Variants in NR4A3 observed in about 807,000 individuals in gnomAD.
NR4A3 encodes chondrosarcoma, extraskeletal myxoid, fused to EWS.
Under a neutral mutation model 55.6 loss-of-function variants are expected in NR4A3, and 13 were observed. The ratio of observed to expected loss-of-function variants is 0.23; its 90% CI spans 0.15 to 0.37. NR4A3 has a LOEUF of 0.37. Ranked by LOEUF, NR4A3 falls within the 10% of genes least tolerant of loss-of-function variation. The probability of loss-of-function intolerance (pLI) is 1.00; values close to 1 mark genes in which losing one functional copy is unlikely to be tolerated. For synonymous variants in NR4A3, 342 were observed against 357.9 expected (o/e 0.96, Z 0.50); for missense variants, 646 against 822.8 (o/e 0.79, Z 2.63).
chr9:99,856,565 T>G (rs1479964035), intron 7 of NR4A3, among the ~76,000 whole-genome samples: 3 of 152,180 alleles, frequency 2.0e-5, no homozygotes, highest in African/African-American at 7.2e-5. Context: ...TAGCTCAATG[T>G]AAGAAAAACT....
intron 6 of NR4A3, 126 bp from the exon 7 acceptor site, chr9:99,847,311 T>C (rs1827771435): frequency 2.4e-6 from 2 of 816,986 alleles, no homozygotes; most frequent in Non-Finnish European, 4.1e-6. Flanking sequence ...TCTGGCATGC[T>C]TCATAGCACC....
chr9:99,849,163 G>GATATCTCCT (rs1827806015), intron 7 of NR4A3, among the ~76,000 whole-genome samples: 1 of 152,218 alleles, frequency 6.6e-6, no homozygotes, highest in South Asian at 2.1e-4. Context: ...CATTTCTTGG[G>GATATCTCCT]ATATCTCCTA....
chr9:99,829,760 G>A (rs1237631241), intron 3 of NR4A3, among the ~76,000 whole-genome samples: 1 of 152,172 alleles, frequency 6.6e-6, no homozygotes, highest in African/African-American at 2.4e-5. Context: ...ATCACATGCG[G>A]TGCCAGGTGT....
chr9:99,866,481 A>G lies in NR4A3; in HGVS notation c.*2614A>G, dbSNP rs1828099818. The G allele has an allele frequency of 2.2e-5, 5 of 227,856 alleles. No individual in the cohort carries two copies. 14.1% of individuals were successfully genotyped at this position (227,856 alleles called of 1,614,324 possible). On this transcript the variant is annotated 3_prime_UTR_variant, in exon 8 of 8. Transcript: ENST00000395097. Reference sequence around the variant, plus strand: ...GTCCAGATATGAGTGCTAAAAATAAAGATGATAGCATGTTCTTCTGTCTTC... The same window carrying G: ...GTCCAGATATGAGTGCTAAAAATAAGGATGATAGCATGTTCTTCTGTCTTC...
chr9:99,834,670 T>C, intron 5 of NR4A3: 1 of 375,202 alleles, frequency 2.7e-6, no homozygotes, highest in African/African-American at 2.2e-5. Context: ...TGTGAGTGTG[T>C]CCCTGCTATG....
At chr9:99,844,900 CCTT>C (rs760627674) in intron 6 of NR4A3, 52 bp downstream of exon 6, 1 of 1,375,900 alleles carries the variant, frequency 7.3e-7, no homozygotes, top group South Asian at 1.2e-5. Flanking sequence ...AAGCCTGAAA[CCTT>C]CTGTGTTTGT....
chr9:99,855,161 GA>G (rs1451980285), intron 7 of NR4A3, among the ~76,000 whole-genome samples: 1 of 151,900 alleles, frequency 6.6e-6, no homozygotes. Context: ...GAATGCTTGT[GA>G]TTTTTGTACA....
rs568957196 is a variant in NR4A3 at position 99,864,518 on chromosome 9, C to T, written c.*651C>T. 8.8e-6 allele frequency: 2 copies of T among 227,116 alleles called. No individual in the cohort carries two copies. The highest frequency in any genetic ancestry group is 1.8e-4 in the South Asian group (1 of 5,456). The allele number at this position is 227,116 out of a possible 1,614,324, so 14.1% of individuals were successfully genotyped here. A position where few individuals can be genotyped will look rare whatever the true frequency, so the allele number is the denominator to read the frequency against. On this transcript the variant is annotated 3_prime_UTR_variant, in exon 8 of 8. Coordinates refer to ENST00000395097, the MANE Select transcript of NR4A3 (RefSeq NM_006981.4). The stretch of plus-strand genomic sequence containing the variant: ...TCTTACTAAGTCTTGTTTATTAACT[C>T]TCCTTTATTCTATATGGAAATAAAA...
chr9:99,838,135 G>A (rs1380490406), intron 5 of NR4A3, among the ~76,000 whole-genome samples: 1 of 152,158 alleles, frequency 6.6e-6, no homozygotes, highest in Admixed American at 6.5e-5. Context: ...CACCACAGTT[G>A]CTTTTAATTT....
At chr9:99,855,636 C>T (rs7032280) in intron 7 of NR4A3, among the ~76,000 whole-genome samples, 15 of 152,108 alleles carry the variant, frequency 9.9e-5, no homozygotes, top group Non-Finnish European at 1.6e-4. Flanking sequence ...CTTGACTTGT[C>T]GCTTCCTGAC....
rs1827271904 is a variant in NR4A3 at position 99,825,205 on chromosome 9, G to C, written c.-176-454G>C. Among the ~76,000 whole-genome samples the C allele has an allele frequency of 6.6e-6, 1 of 152,060 alleles. No homozygotes were observed. The highest frequency in any genetic ancestry group is 2.4e-5 in the African/African-American group (1 of 41,378). On this transcript the variant is annotated intron_variant, in intron 1 of 7. Coordinates refer to ENST00000395097, the MANE Select transcript of NR4A3 (RefSeq NM_006981.4). This position sits in a 1 kb window ranked among gnomAD's most constrained non-coding sequence, Gnocchi z 5.0. ...TGTAAAATTTGTATTTGAGGGGTGG[G>C]GGCGGGCGGAGCTGGAAAATGGCTT... is the stretch of plus-strand genomic sequence containing the variant.
intron 3 of NR4A3, among the ~76,000 whole-genome samples, chr9:99,830,969 G>A (rs1827428195): frequency 1.3e-5 from 2 of 152,262 alleles, no homozygotes; most frequent in East Asian, 1.9e-4. Flanking sequence ...ACTTGAAAGG[G>A]TGGGGGCAAG....
intron 5 of NR4A3, among the ~76,000 whole-genome samples, chr9:99,837,269 C>T (rs1308891463): frequency 6.6e-6 from 1 of 152,156 alleles, no homozygotes; most frequent in African/African-American, 2.4e-5. Flanking sequence ...TAATGTCATT[C>T]ACTGAAATTC....
At chr9:99,826,755 A>G (rs751834365) in intron 2 of NR4A3, 2 of 1,613,796 alleles carry the variant, frequency 1.2e-6, no homozygotes, top group African/African-American at 1.3e-5. Flanking sequence ...TTTCAAGTCA[A>G]GATTTCATCC....
chr9:99,841,235 A>AG (rs1159621748), intron 5 of NR4A3, among the ~76,000 whole-genome samples: 1 of 151,444 alleles, frequency 6.6e-6, no homozygotes, highest in Non-Finnish European at 1.5e-5. Flanking sequence ...GTCTCCGAAA[A>AG]AAAAAAAAAA....
rs1564042467 is a variant in NR4A3 at position 99,865,319 on chromosome 9, A to AT, written c.*1452_*1453insT. On this transcript the variant is annotated 3_prime_UTR_variant, in exon 8 of 8. Transcript: ENST00000395097. This position sits in a 1 kb window ranked among gnomAD's most constrained non-coding sequence, Gnocchi z 4.3. ...ATAAGCAAATATATATATATATATA[A>AT]ATATAGCAGGTTACATATATATATT... The AT allele has an allele frequency of 1.7e-3, 280 of 160,442 alleles. 1 individual carries two copies. Among genetic ancestry groups the AT allele is most frequent in the African/African-American group, 6.7e-3 (268 of 40,166 alleles). 9.9% of individuals were successfully genotyped at this position (160,442 alleles called of 1,614,324 possible).
chr9:99,849,289 A>G (rs1462498504), intron 7 of NR4A3, among the ~76,000 whole-genome samples: 1 of 152,170 alleles, frequency 6.6e-6, no homozygotes, highest in African/African-American at 2.4e-5. Flanking sequence ...TTCAGACAGT[A>G]GCTGTTCCTT....
At chr9:99,856,308 C>T (rs923723698) in intron 7 of NR4A3, among the ~76,000 whole-genome samples, 1 of 151,630 alleles carries the variant, frequency 6.6e-6, no homozygotes, top group East Asian at 1.9e-4. Flanking sequence ...TCATAAGGAA[C>T]GTGCAACCTA....
intron 5 of NR4A3, among the ~76,000 whole-genome samples, chr9:99,841,584 C>T (rs1162261630): frequency 6.6e-6 from 1 of 152,170 alleles, no homozygotes; most frequent in Non-Finnish European, 1.5e-5. Flanking sequence ...ATATCAGGCC[C>T]TTTACATATG....
Sources: gnomAD v4.1 joint callset for allele counts (sites outside exome capture counted in the v4.1 genomes callset) on GRCh38, gnomAD v4.1.1 for gene constraint, Gnocchi (gnomAD v3.1) non-coding constraint, MANE v1.5 for transcripts, NCBI Gene and HGNC (gene_info 2026-07-23, HGNC 2026-07-21) for gene names.